AFTPH: variants seen among roughly 807,000 people sequenced by gnomAD.
AFTPH encodes aftiphilin.
A neutral mutation model predicts 72.5 loss-of-function variants in AFTPH; 7 were observed. The observed-to-expected ratio is 0.10, with a 90% CI of 0.05 to 0.18. AFTPH has a LOEUF of 0.18. Ranked by LOEUF, AFTPH falls within the 10% of genes least tolerant of loss-of-function variation. The pLI, the probability that AFTPH is intolerant of heterozygous loss-of-function variation, is 1.00. For missense variants in AFTPH, 979 were observed against 1,060.5 expected, an observed-to-expected ratio of 0.92 and a Z score of 1.07; for synonymous variants, 337 against 370.1, an observed-to-expected ratio of 0.91 and a Z score of 1.03.
rs1054456363 is a variant in AFTPH, at chr2:64,589,986, G to C, written c.2580-1899G>C. On this transcript the variant is annotated intron_variant, in intron 8 of 8. Transcript: ENST00000238856. ...TTTCCACCAAAAATGAGATTTTAGAGGTCATAGTGAATTGACCTCTAAAAT... is the reference window on the plus strand; with the variant it reads ...TTTCCACCAAAAATGAGATTTTAGACGTCATAGTGAATTGACCTCTAAAAT... Among the ~76,000 whole-genome samples, 4 of 149,702 alleles carry C rather than the reference G, an allele frequency of 2.7e-5. No homozygotes were observed. In the East Asian group the frequency reaches 7.8e-4, roughly 29 times the overall value.
chr2:64,550,167 C>T (rs1356450692), intron 1 of AFTPH, among the ~76,000 whole-genome samples: 1 of 152,102 alleles, frequency 6.6e-6, no homozygotes, highest in Non-Finnish European at 1.5e-5. Context: ...TGGAAACAAC[C>T]CACATATCCT....
At chr2:64,527,056 T>C (rs1490462666) in intron 1 of AFTPH, among the ~76,000 whole-genome samples, 1 of 152,194 alleles carries the variant, frequency 6.6e-6, no homozygotes, top group East Asian at 1.9e-4. Context: ...ACAACATGCA[T>C]GGGAATGATA....
At chr2:64,527,896 A>T (rs1017427405) in intron 1 of AFTPH, among the ~76,000 whole-genome samples, 1 of 152,158 alleles carries the variant, frequency 6.6e-6, no homozygotes. Context: ...GTAGGGGCTC[A>T]TAGGTCTGTG....
chr2:64,548,193 A>T (rs1281992774), intron 1 of AFTPH, among the ~76,000 whole-genome samples: 2 of 145,774 alleles, frequency 1.4e-5, no homozygotes, highest in Non-Finnish European at 3.0e-5. Context: ...GGAGATCGAG[A>T]CCATCCTGGC....
chr2:64,550,756 G>C (rs1216978957), intron 1 of AFTPH, among the ~76,000 whole-genome samples: 2 of 149,258 alleles, frequency 1.3e-5, no homozygotes, highest in African/African-American at 2.5e-5. Flanking sequence ...AACAAGGTCT[G>C]TACCTGAGTT....
At chr2:64,563,504 G>A (rs1671862389) in intron 2 of AFTPH, among the ~76,000 whole-genome samples, 1 of 152,148 alleles carries the variant, frequency 6.6e-6, no homozygotes, top group Admixed American at 6.5e-5. Flanking sequence ...CTGGTCATAA[G>A]AGAAACTGTT....
intron 6 of AFTPH, chr2:64,578,988 T>C (rs1197127540): frequency 1.3e-5 from 2 of 152,644 alleles, no homozygotes; most frequent in Non-Finnish European, 2.9e-5. Context: ...AATTCTGGTA[T>C]CTAATAAGTA....
chr2:64,536,110 A>G (rs1442413259), intron 1 of AFTPH, among the ~76,000 whole-genome samples: 1 of 152,226 alleles, frequency 6.6e-6, no homozygotes, highest in Non-Finnish European at 1.5e-5. Context: ...GGTTGAATTC[A>G]GTCGTGGAAT....
chr2:64,526,048 C>T (rs1024181983), intron 1 of AFTPH, among the ~76,000 whole-genome samples: 2 of 152,214 alleles, frequency 1.3e-5, no homozygotes, highest in Non-Finnish European at 2.9e-5. Context: ...AAAAAATCCA[C>T]TACAATTCAC....
At chr2:64,527,146 A>G (rs1477718296) in intron 1 of AFTPH, among the ~76,000 whole-genome samples, 3 of 152,226 alleles carry the variant, frequency 2.0e-5, no homozygotes, top group African/African-American at 2.4e-5. Context: ...GGGTTTACAA[A>G]CATATCTTTA....
At chr2:64,564,840 CTTT>C (rs199615325) in intron 2 of AFTPH, among the ~76,000 whole-genome samples, 2 of 142,990 alleles carry the variant, frequency 1.4e-5, no homozygotes. Context: ...AATTGATACA[CTTT>C]TTTTTTTTTT....
At chr2:64,535,252 C>T (rs1462230393) in intron 1 of AFTPH, among the ~76,000 whole-genome samples, 1 of 152,176 alleles carries the variant, frequency 6.6e-6, no homozygotes, top group Non-Finnish European at 1.5e-5. Context: ...GGGAACTTAA[C>T]ACAAAGGTTT....
Position 64,557,678 on chromosome 2 carries a change from C to T in AFTPH, c.1935+4269C>T, listed in dbSNP as rs1419252066. Among the ~76,000 whole-genome samples, 4 of 152,304 alleles carry T rather than the reference C, an allele frequency of 2.6e-5. 1 individual carries two copies. In the East Asian group the frequency reaches 7.7e-4, roughly 29 times the overall value. On this transcript the variant is annotated intron_variant, in intron 2 of 8. Transcript: ENST00000238856. ...ATAACCAGTCCTACCTTTTCATCTT[C>T]ACTTATTTAGTCATCTAGCTAATAT...
intron 1 of AFTPH, among the ~76,000 whole-genome samples, 195 bp downstream of exon 1, chr2:64,524,807 G>C (rs1669148050): frequency 6.6e-6 from 1 of 152,232 alleles, no homozygotes; most frequent in African/African-American, 2.4e-5. Context: ...GTGCGGGAAC[G>C]CCGCTGGTGG....
intron 1 of AFTPH, among the ~76,000 whole-genome samples, chr2:64,528,386 C>G (rs1669407024): frequency 6.6e-6 from 1 of 152,182 alleles, no homozygotes; most frequent in South Asian, 2.1e-4. Context: ...AAAATCTGCC[C>G]TCCTACAGCT....
At chr2:64,549,308 C>CTTTTTTTTTTTTTTTTT (rs34951706) in intron 1 of AFTPH, among the ~76,000 whole-genome samples, 1 of 55,982 alleles carries the variant, frequency 1.8e-5, no homozygotes, top group African/African-American at 6.1e-5. Context: ...TTAGTCCTCC[C>CTTTTTTTTTTTTTTTTT]TTTTTTTTTT....
At chr2:64,589,241 C>G (rs1673682489) in intron 8 of AFTPH, among the ~76,000 whole-genome samples, 1 of 152,096 alleles carries the variant, frequency 6.6e-6, no homozygotes, top group Non-Finnish European at 1.5e-5. Flanking sequence ...AGGTAGGAGT[C>G]CACATTCATT....
chr2:64,545,764 A>G (rs1029466686), intron 1 of AFTPH, among the ~76,000 whole-genome samples: 5 of 152,066 alleles, frequency 3.3e-5, no homozygotes, highest in Non-Finnish European at 7.4e-5. Context: ...TTGCAAGGGG[A>G]CAGGGATGGA....
intron 7 of AFTPH, among the ~76,000 whole-genome samples, chr2:64,584,975 A>C (rs1478612895): frequency 6.6e-6 from 1 of 152,228 alleles, no homozygotes; most frequent in Non-Finnish European, 1.5e-5. Context: ...TTTCTGTGGA[A>C]GAAAATAGAG....
Sources: allele counts gnomAD v4.1 joint callset (sites outside exome capture counted in the v4.1 genomes callset), GRCh38; gene constraint gnomAD v4.1.1; transcripts MANE v1.5; gene names NCBI Gene and HGNC (gene_info 2026-07-23, HGNC 2026-07-21).